Variants in MAN1A1 observed in about 807,000 individuals in gnomAD.
MAN1A1 encodes mannosyl-oligosaccharide 1,2-alpha-mannosidase IA.
Under a neutral mutation model 70.8 loss-of-function variants are expected in MAN1A1, and 29 were observed. That is an observed-to-expected ratio of 0.41 (90% CI 0.31 to 0.56). The LOEUF (loss-of-function observed/expected upper bound fraction) is 0.56, where lower values mean the gene tolerates loss of function less well. Among genes scored for constraint, MAN1A1 ranks in the 20% least tolerant of loss-of-function variants. MAN1A1 has a pLI of 0.29. For missense variants in MAN1A1, 747 were observed against 841.3 expected (o/e 0.89, Z 1.39); for synonymous variants, 349 against 330.1 (o/e 1.06, Z -0.62).
At chr6:119,192,279 T>C (rs753980133) in intron 9 of MAN1A1, among the ~76,000 whole-genome samples, 7 of 152,092 alleles carry the variant, frequency 4.6e-5, no homozygotes, top group Non-Finnish European at 1.0e-4. Context: ...ACTCCCCAGG[T>C]TAAAATCTGA....
At chr6:119,203,991 T>C (rs148197843) in intron 7 of MAN1A1, among the ~76,000 whole-genome samples, 1 of 152,034 alleles carries the variant, frequency 6.6e-6, no homozygotes, top group Non-Finnish European at 1.5e-5. Context: ...CTTTCCAATA[T>C]TTAGAGGGTG....
At chr6:119,274,468 T>C (rs1776001081) in intron 5 of MAN1A1, among the ~76,000 whole-genome samples, 1 of 152,232 alleles carries the variant, frequency 6.6e-6, no homozygotes, top group Admixed American at 6.5e-5. Context: ...AATTTATGTC[T>C]GTTGATAAAG....
intron 5 of MAN1A1, among the ~76,000 whole-genome samples, chr6:119,268,300 A>T (rs1562218183): frequency 6.6e-6 from 1 of 152,198 alleles, no homozygotes; most frequent in Non-Finnish European, 1.5e-5. Flanking sequence ...CTTTAAAAGC[A>T]ATTTATTTGA....
chr6:119,309,254 G>T (rs1242425534), intron 2 of MAN1A1, among the ~76,000 whole-genome samples: 1 of 152,222 alleles, frequency 6.6e-6, no homozygotes, highest in African/African-American at 2.4e-5. Context: ...CATTGTGTGA[G>T]TGTGTGTGTA....
chr6:119,261,690 CA>C (rs1180204194), intron 5 of MAN1A1, among the ~76,000 whole-genome samples: 1 of 152,118 alleles, frequency 6.6e-6, no homozygotes, highest in African/African-American at 2.4e-5. Context: ...GAGAATAGCA[CA>C]AAACTGTAAA....
chr6:119,338,986 C>G (rs1447216615), intron 2 of MAN1A1, among the ~76,000 whole-genome samples: 1 of 152,172 alleles, frequency 6.6e-6, no homozygotes, highest in Non-Finnish European at 1.5e-5. Flanking sequence ...ACTCCTTAGG[C>G]CTCCAAGCTC....
intron 4 of MAN1A1, among the ~76,000 whole-genome samples, chr6:119,294,838 A>G (rs1489029775): frequency 2.6e-5 from 4 of 152,118 alleles, no homozygotes; most frequent in Non-Finnish European, 4.4e-5. Context: ...ATTTACACCT[A>G]AAATCAAGAG....
chr6:119,242,134 G>GACACACACACACAC (rs139698571), intron 6 of MAN1A1, among the ~76,000 whole-genome samples: 61,102 of 150,450 alleles, frequency 0.41, 12,835 homozygotes, highest in East Asian at 0.65. Context: ...CAGACAGACA[G>GACACACACACACAC]ACACACACAC....
At chr6:119,334,515 A>G (rs1306197449) in intron 2 of MAN1A1, among the ~76,000 whole-genome samples, 1 of 152,266 alleles carries the variant, frequency 6.6e-6, no homozygotes, top group African/African-American at 2.4e-5. Flanking sequence ...TAATGTTCCA[A>G]TAAAAGGAAG....
intron 3 of MAN1A1, among the ~76,000 whole-genome samples, chr6:119,304,126 C>T (rs1772469895): frequency 1.3e-5 from 2 of 151,986 alleles, no homozygotes; most frequent in African/African-American, 4.8e-5. Context: ...TTTCAAATGC[C>T]AAGTTAAGAA....
At chr6:119,312,047 A>T (rs1772722666) in intron 2 of MAN1A1, among the ~76,000 whole-genome samples, 1 of 152,172 alleles carries the variant, frequency 6.6e-6, no homozygotes, top group Admixed American at 6.5e-5. Flanking sequence ...TGGCTCACTT[A>T]TATAACAGTC....
chr6:119,234,940 T>G (rs1485626716), intron 6 of MAN1A1, among the ~76,000 whole-genome samples: 2 of 152,196 alleles, frequency 1.3e-5, no homozygotes, highest in Non-Finnish European at 2.9e-5. Flanking sequence ...ACAGACTTTG[T>G]CATTATGATG....
At chr6:119,243,596 A>T (rs1031309378) in intron 6 of MAN1A1, among the ~76,000 whole-genome samples, 3 of 152,100 alleles carry the variant, frequency 2.0e-5, no homozygotes, top group Non-Finnish European at 4.4e-5. Flanking sequence ...TATACACATT[A>T]TATGCTTCCC....
In MAN1A1 at chr6:119,177,391, C is replaced by T. The variant is rs1019366292; in HGVS notation, c.*2428G>A. 1 of 152,052 alleles carries T rather than the reference C, an allele frequency of 6.6e-6. No individual in the cohort carries two copies. The highest frequency in any genetic ancestry group is 2.4e-5 in the African/African-American group (1 of 41,434). The allele number at this position is 152,052 out of a possible 1,614,324, so 9.4% of individuals were successfully genotyped here. ...CAATGTGTAGCTCATATGAAAACCT[C>T]ATGACAAGTCATTGAGTTCTGTAAA... On this transcript the variant is annotated 3_prime_UTR_variant, in exon 13 of 13. Transcript: ENST00000368468.
chr6:119,200,217 T>G (rs1444528555), intron 8 of MAN1A1, among the ~76,000 whole-genome samples: 2 of 152,176 alleles, frequency 1.3e-5, no homozygotes, highest in African/African-American at 4.8e-5. Context: ...GTATTATATG[T>G]CTTGTTATTA....
At chr6:119,302,165 AC>A in intron 3 of MAN1A1, 62 bp from the exon 4 acceptor site, 1 of 756,026 alleles carries the variant, frequency 1.3e-6, no homozygotes, top group Non-Finnish European at 2.3e-6. Flanking sequence ...ATGTAAATTG[AC>A]CATAACTAAG....
At chr6:119,318,624 ATCTT>A (rs1772918726) in intron 2 of MAN1A1, among the ~76,000 whole-genome samples, 3 of 152,338 alleles carry the variant, frequency 2.0e-5, no homozygotes, top group Middle Eastern at 3.4e-3. Context: ...CCAACTTCCA[ATCTT>A]TCTTTTTTTG....
chr6:119,304,946 T>C (rs1772488311), intron 3 of MAN1A1, among the ~76,000 whole-genome samples: 1 of 59,874 alleles, frequency 1.7e-5, no homozygotes, highest in Non-Finnish European at 4.2e-5. Context: ...AAAGAAATCA[T>C]TTCTCATCCA....
At chr6:119,235,476 A>G (rs1385110487) in intron 6 of MAN1A1, among the ~76,000 whole-genome samples, 1 of 152,198 alleles carries the variant, frequency 6.6e-6, no homozygotes, top group Non-Finnish European at 1.5e-5. Context: ...CTTTAATTCT[A>G]CGAAGACTGA....
Sources: gnomAD v4.1 joint callset for allele counts (sites outside exome capture counted in the v4.1 genomes callset) on GRCh38, gnomAD v4.1.1 for gene constraint, MANE v1.5 for transcripts, NCBI Gene and HGNC (gene_info 2026-07-23, HGNC 2026-07-21) for gene names.